TMEM132C: variants seen among roughly 807,000 people sequenced by gnomAD.
TMEM132C encodes the protein protein phosphatase 1, regulatory subunit 152.
Under a neutral mutation model 61.4 loss-of-function variants are expected in TMEM132C, and 29 were observed. That is an observed-to-expected ratio of 0.47 (90% CI 0.35 to 0.64). TMEM132C has a LOEUF of 0.64. TMEM132C is among the 30% of genes least tolerant of loss of function. The pLI is 0.00. For synonymous variants in TMEM132C, 656 were observed against 633.1 expected (o/e 1.04, Z -0.54); for missense variants, 1,408 against 1,476.9 (o/e 0.95, Z 0.76).
chr12:128,598,391 A>G (rs1876045335), intron 3 of TMEM132C, among the ~76,000 whole-genome samples: 1 of 152,114 alleles, frequency 6.6e-6, no homozygotes, highest in African/African-American at 2.4e-5. Context: ...AGCCAAGATC[A>G]GGCCCCTGCA....
intron 1 of TMEM132C, among the ~76,000 whole-genome samples, chr12:128,412,231 A>G (rs1391202872): frequency 2.0e-5 from 3 of 152,180 alleles, no homozygotes; most frequent in Non-Finnish European, 4.4e-5. Context: ...TTATTATCAT[A>G]TGTCAAACAT....
intron 2 of TMEM132C, among the ~76,000 whole-genome samples, chr12:128,475,095 G>C (rs1036531363): frequency 1.3e-5 from 2 of 152,096 alleles, no homozygotes; most frequent in Non-Finnish European, 2.9e-5. Flanking sequence ...GCTGTGGGTG[G>C]GGGCACAGCA....
At chr12:128,472,691 T>C (rs1462381964) in intron 2 of TMEM132C, among the ~76,000 whole-genome samples, 1 of 152,232 alleles carries the variant, frequency 6.6e-6, no homozygotes, top group Non-Finnish European at 1.5e-5. Context: ...ACACCTGGGT[T>C]GGGGACTCTG....
chr12:128,653,732 C>T (rs1593135824), intron 4 of TMEM132C, among the ~76,000 whole-genome samples: 2 of 152,218 alleles, frequency 1.3e-5, no homozygotes, highest in African/African-American at 2.4e-5. Context: ...ATGCCTGGAA[C>T]AGCACCTGGT....
At chr12:128,638,887 GTGGTGGTGATGGTGGTGATGGTGATGA>G (rs1565998995) in intron 4 of TMEM132C, among the ~76,000 whole-genome samples, 1 of 69,748 alleles carries the variant, frequency 1.4e-5, no homozygotes, top group African/African-American at 4.5e-5. Context: ...GGTGATGATG[GTGGTGGTGATGGTGGTGATGGTGATGA>G]TGGTGGTGAT....
chr12:128,311,790 C>T (rs1871976719), intron 1 of TMEM132C, among the ~76,000 whole-genome samples: 1 of 152,226 alleles, frequency 6.6e-6, no homozygotes, highest in Non-Finnish European at 1.5e-5. Context: ...GCCAGCGAGG[C>T]CCCACCTCTT....
At chr12:128,470,194 G>A (rs1427015606) in intron 2 of TMEM132C, among the ~76,000 whole-genome samples, 2 of 152,136 alleles carry the variant, frequency 1.3e-5, no homozygotes, top group African/African-American at 2.4e-5. Flanking sequence ...TTTTTGCGGG[G>A]TGATAAGAAC....
intron 5 of TMEM132C, among the ~76,000 whole-genome samples, chr12:128,679,077 A>G (rs987396305): frequency 6.6e-6 from 1 of 152,188 alleles, no homozygotes; most frequent in African/African-American, 2.4e-5. Context: ...CATAGATGCT[A>G]CTCAAAGATT....
At chr12:128,618,649 C>T (rs1379408551) in intron 4 of TMEM132C, among the ~76,000 whole-genome samples, 8 of 152,168 alleles carry the variant, frequency 5.3e-5, no homozygotes, top group African/African-American at 1.9e-4. Flanking sequence ...GAATAAGTCT[C>T]AAAAGATCTA....
At chr12:128,675,301 A>G (rs1311325421) in intron 5 of TMEM132C, among the ~76,000 whole-genome samples, 24 of 152,114 alleles carry the variant, frequency 1.6e-4, no homozygotes, top group Admixed American at 1.6e-3. Context: ...ACTACTCATA[A>G]CATCTGCATT....
At chr12:128,340,847 C>CTCTGTCTTTCTT (rs748201075) in intron 1 of TMEM132C, among the ~76,000 whole-genome samples, 5 of 142,036 alleles carry the variant, frequency 3.5e-5, no homozygotes, top group African/African-American at 1.3e-4. Context: ...CTCTCTTTCT[C>CTCTGTCTTTCTT]TCTTTCTTTC....
intron 1 of TMEM132C, among the ~76,000 whole-genome samples, chr12:128,280,819 C>T (rs572135108): frequency 6.6e-6 from 1 of 152,236 alleles, no homozygotes; most frequent in African/African-American, 2.4e-5. Context: ...GTTTCATTGG[C>T]TCTGTTTGTT....
chr12:128,488,337 T>G (rs1871574678), intron 2 of TMEM132C, among the ~76,000 whole-genome samples: 1 of 152,220 alleles, frequency 6.6e-6, no homozygotes, highest in Admixed American at 6.5e-5. Flanking sequence ...CAAATTAACA[T>G]TATGCATATA....
chr12:128,292,341 C>T (rs1871269879), intron 1 of TMEM132C, among the ~76,000 whole-genome samples: 2 of 152,204 alleles, frequency 1.3e-5, no homozygotes, highest in South Asian at 2.1e-4. Flanking sequence ...ACAAGGGAGA[C>T]AGGCCCACAC....
intron 2 of TMEM132C, among the ~76,000 whole-genome samples, chr12:128,496,550 A>C (rs887984309): frequency 3.9e-5 from 6 of 151,988 alleles, no homozygotes; most frequent in Admixed American, 2.6e-4. Context: ...TCTTTTTTCT[A>C]TAAACTTCTC....
chr12:128,526,012 C>G (rs1173750914), intron 2 of TMEM132C, among the ~76,000 whole-genome samples: 2 of 152,252 alleles, frequency 1.3e-5, no homozygotes, highest in Non-Finnish European at 2.9e-5. Flanking sequence ...AATGTGCTCT[C>G]TGCAGGAATG....
chr12:128,433,625 C>T (rs532037079), intron 2 of TMEM132C, among the ~76,000 whole-genome samples: 8 of 152,208 alleles, frequency 5.3e-5, no homozygotes, highest in African/African-American at 1.7e-4. Context: ...GAGTGTCAGA[C>T]GGGACTTGGG....
chr12:128,562,121 G>A (rs1019639717), intron 3 of TMEM132C, among the ~76,000 whole-genome samples: 12 of 152,094 alleles, frequency 7.9e-5, no homozygotes, highest in African/African-American at 1.7e-4. Context: ...ACTGGAAACC[G>A]CATCTCTCTC....
rs531926596 is a variant in TMEM132C at position 128,318,389 on chromosome 12, C to G, written c.85+50902C>G. ...ATGTAACCAACCTACTGGCTAAAGG[C>G]CCATTAGAAATCATTTTGTGTACTT... On this transcript the variant is annotated intron_variant, in intron 1 of 8. Coordinates refer to ENST00000435159, the MANE Select transcript of TMEM132C (RefSeq NM_001136103.3). 2.2e-4 allele frequency among the ~76,000 whole-genome samples: 34 copies of G among 152,276 alleles called. 1 individual carries two copies. The highest frequency in any genetic ancestry group is 8.2e-4 in the African/African-American group (34 of 41,552).
Sources: gnomAD v4.1 joint callset for allele counts (sites outside exome capture counted in the v4.1 genomes callset) on GRCh38, gnomAD v4.1.1 for gene constraint, MANE v1.5 for transcripts, NCBI Gene and HGNC (gene_info 2026-07-23, HGNC 2026-07-21) for gene names.